BBS9: variants seen among roughly 807,000 people sequenced by gnomAD.
BBS9 encodes protein PTHB1.
BBS9 carries 89 observed loss-of-function variants against 117.7 expected under a neutral mutation model. That is an observed-to-expected ratio of 0.76 (90% CI 0.64 to 0.90). The LOEUF (loss-of-function observed/expected upper bound fraction) is 0.90, where lower values mean the gene tolerates loss of function less well. Among genes scored for constraint, BBS9 ranks in the 40% least tolerant of loss-of-function variants. The pLI, the probability that BBS9 is intolerant of heterozygous loss-of-function variation, is 0.00. For synonymous variants in BBS9, 379 were observed against 370.9 expected, an observed-to-expected ratio of 1.02 and a Z score of -0.25; for missense variants, 982 against 1,042.2, an observed-to-expected ratio of 0.94 and a Z score of 0.80.
intron 11 of BBS9, 36 bp from the exon 12 acceptor site, chr7:33,344,545 T>A: frequency 6.2e-7 from 1 of 1,600,242 alleles, no homozygotes; most frequent in Non-Finnish European, 8.6e-7. Context: ...AATATTGACA[T>A]CATTCTTTCT....
intron 5 of BBS9, among the ~76,000 whole-genome samples, chr7:33,182,489 A>G (rs1190158067): frequency 6.6e-6 from 1 of 152,216 alleles, no homozygotes; most frequent in East Asian, 1.9e-4. Flanking sequence ...TCAAAGAAGC[A>G]GTTTATGACC....
At chr7:33,566,157 T>C (rs1190494595) in intron 21 of BBS9, among the ~76,000 whole-genome samples, 3 of 151,618 alleles carry the variant, frequency 2.0e-5, no homozygotes, top group African/African-American at 7.3e-5. Flanking sequence ...GACACAATAT[T>C]GATATACTGA....
At chr7:33,455,059 A>G (rs1360763164) in intron 19 of BBS9, among the ~76,000 whole-genome samples, 1 of 152,188 alleles carries the variant, frequency 6.6e-6, no homozygotes, top group Non-Finnish European at 1.5e-5. Context: ...CCAGTTTATC[A>G]TGTTGTGAGG....
At chr7:33,179,771 A>T (rs1797843291) in intron 5 of BBS9, among the ~76,000 whole-genome samples, 1 of 152,200 alleles carries the variant, frequency 6.6e-6, no homozygotes, top group Non-Finnish European at 1.5e-5. Context: ...GTCTTCCACA[A>T]AACTGGTCCT....
At chr7:33,130,206 G>A (rs983942998) in intron 1 of BBS9, among the ~76,000 whole-genome samples, 165 bp downstream of exon 1, 1 of 152,206 alleles carries the variant, frequency 6.6e-6, no homozygotes, top group Non-Finnish European at 1.5e-5. Context: ...AGCACAAAGT[G>A]TATGAGATTC....
chr7:33,585,474 C>T (rs1395448951), intron 21 of BBS9, among the ~76,000 whole-genome samples: 1 of 151,974 alleles, frequency 6.6e-6, no homozygotes, highest in Admixed American at 6.6e-5. Context: ...CAGCATATAA[C>T]AGATTTGAAT....
chr7:33,170,752 A>G (rs1247980291), intron 4 of BBS9, among the ~76,000 whole-genome samples: 3 of 148,846 alleles, frequency 2.0e-5, no homozygotes, highest in South Asian at 2.1e-4. Context: ...AACTTCAGCA[A>G]AGTCTCAGGA....
At chr7:33,382,368 G>A (rs1192799979) in intron 17 of BBS9, among the ~76,000 whole-genome samples, 1 of 151,360 alleles carries the variant, frequency 6.6e-6, no homozygotes, top group Non-Finnish European at 1.5e-5. Flanking sequence ...GCTGAGGCAT[G>A]AGAATCACTT....
chr7:33,372,072 A>G lies in BBS9; in HGVS notation c.1789+4210A>G, dbSNP rs187926351. ...AATTCTTGAAAGTTTGAGGAAGTAAAGTAGTAGGAGTTATAGAGCAAGTGA... is the reference window on the plus strand; with the variant it reads ...AATTCTTGAAAGTTTGAGGAAGTAAGGTAGTAGGAGTTATAGAGCAAGTGA... On this transcript the variant is annotated intron_variant, in intron 17 of 22. Coordinates refer to ENST00000242067, the MANE Select transcript of BBS9 (RefSeq NM_198428.3). Among the ~76,000 whole-genome samples the G allele has an allele frequency of 6.4e-4, 98 of 152,318 alleles. 1 individual carries two copies. Among genetic ancestry groups the G allele is most frequent in the Middle Eastern group, 3.4e-3 (1 of 294 alleles).
chr7:33,460,641 T>G (rs1041401037), intron 19 of BBS9, among the ~76,000 whole-genome samples: 1 of 152,032 alleles, frequency 6.6e-6, no homozygotes, highest in Admixed American at 6.6e-5. Context: ...CTTTTAAACA[T>G]AGAATTGTCA....
intron 1 of BBS9, among the ~76,000 whole-genome samples, chr7:33,143,109 A>G (rs1791778862): frequency 6.6e-6 from 1 of 152,024 alleles, no homozygotes; most frequent in African/African-American, 2.4e-5. Context: ...AGCTGGGACT[A>G]CAGGCGCCTG....
At chr7:33,137,775 T>C (rs572079883) in intron 1 of BBS9, among the ~76,000 whole-genome samples, 1 of 152,346 alleles carries the variant, frequency 6.6e-6, no homozygotes, top group Admixed American at 6.5e-5. Context: ...TAAGTCCTTA[T>C]TGTTCAATAA....
At chr7:33,189,754 C>A (rs1217018772) in intron 5 of BBS9, among the ~76,000 whole-genome samples, 2 of 151,702 alleles carry the variant, frequency 1.3e-5, no homozygotes, top group Non-Finnish European at 1.5e-5. Flanking sequence ...GGCGTGGTGG[C>A]ATGTGCCTGT....
At chr7:33,550,705 T>C (rs1350797224) in intron 21 of BBS9, among the ~76,000 whole-genome samples, 1 of 152,200 alleles carries the variant, frequency 6.6e-6, no homozygotes, top group Admixed American at 6.5e-5. Context: ...AATAAATTGT[T>C]GGAATAGTCA....
Position 33,408,537 on chromosome 7 carries a change from G to T in BBS9, c.2115+20393G>T, listed in dbSNP as rs77751175. On this transcript the variant is annotated intron_variant, in intron 19 of 22. Coordinates refer to ENST00000242067, the MANE Select transcript of BBS9 (RefSeq NM_198428.3). ...ATCACCTGTCTTCTGCGTCGCTCAC[G>T]CTGGGAGCTGTAGACTGGAGCTGTT... 7.2e-5 allele frequency among the ~76,000 whole-genome samples: 11 copies of T among 152,100 alleles called. No homozygotes were observed. In the East Asian group the frequency reaches 1.9e-3, roughly 27 times the overall value.
chr7:33,254,685 A>G (rs1463783809), intron 5 of BBS9, among the ~76,000 whole-genome samples: 2 of 152,178 alleles, frequency 1.3e-5, no homozygotes, highest in African/African-American at 2.4e-5. Flanking sequence ...GACCCCTGGT[A>G]AGCACCCTGC....
intron 21 of BBS9, among the ~76,000 whole-genome samples, chr7:33,580,639 G>A (rs1859719890): frequency 6.6e-6 from 1 of 152,144 alleles, no homozygotes; most frequent in Non-Finnish European, 1.5e-5. Flanking sequence ...GAATATTCTG[G>A]AAGGTTGTTA....
At chr7:33,331,592 A>G (rs1247095523) in intron 9 of BBS9, among the ~76,000 whole-genome samples, 1 of 151,656 alleles carries the variant, frequency 6.6e-6, no homozygotes, top group African/African-American at 2.4e-5. Context: ...GTAGATCAGT[A>G]GCACTGCTAT....
chr7:33,346,237 A>G (rs1274404687), intron 12 of BBS9: 1 of 470,116 alleles, frequency 2.1e-6, no homozygotes, highest in Non-Finnish European at 4.4e-6. Flanking sequence ...CAGCCAAGAT[A>G]TACAACCATG....
Sources: allele counts gnomAD v4.1 joint callset (sites outside exome capture counted in the v4.1 genomes callset), GRCh38; gene constraint gnomAD v4.1.1; transcripts MANE v1.5; gene names NCBI Gene and HGNC (gene_info 2026-07-23, HGNC 2026-07-21).